BICC1: variants seen among roughly 807,000 people sequenced by gnomAD.
BICC1 encodes protein bicaudal C homolog 1.
BICC1 carries 43 observed loss-of-function variants against 111.0 expected under a neutral mutation model. That is an observed-to-expected ratio of 0.39 (90% CI 0.30 to 0.50). The LOEUF (loss-of-function observed/expected upper bound fraction) is 0.50. Among genes scored for constraint, BICC1 ranks in the 20% least tolerant of loss-of-function variants. The pLI is 0.88. For missense variants in BICC1, 1,091 were observed against 1,203.2 expected (o/e 0.91, Z 1.38); for synonymous variants, 467 against 434.4 (o/e 1.07, Z -0.93).
intron 2 of BICC1, among the ~76,000 whole-genome samples, chr10:58,645,406 CAAAAAAAAAAAAAAAA>C (rs57417702): frequency 6.8e-5 from 5 of 73,330 alleles, no homozygotes; most frequent in South Asian, 8.0e-4. Context: ...GACTCCATCT[CAAAAAAAAAAAAAAAA>C]AAAAAAAAAA....
chr10:58,673,712 C>G (rs1437646561), intron 2 of BICC1, among the ~76,000 whole-genome samples: 1 of 152,118 alleles, frequency 6.6e-6, no homozygotes. Context: ...ACCTCCACCC[C>G]CTGGGTTCAA....
At chr10:58,555,054 G>T (rs1032838425) in intron 1 of BICC1, among the ~76,000 whole-genome samples, 8 of 151,876 alleles carry the variant, frequency 5.3e-5, no homozygotes, top group Non-Finnish European at 1.0e-4. Flanking sequence ...TCTTTAAAAA[G>T]AAAAAGAACA....
chr10:58,600,621 G>A (rs1461541973), intron 1 of BICC1, among the ~76,000 whole-genome samples: 3 of 152,004 alleles, frequency 2.0e-5, no homozygotes, highest in Non-Finnish European at 4.4e-5. Context: ...AATACTATGA[G>A]TTTGAACTGT....
chr10:58,594,803 A>G lies in BICC1; in HGVS notation c.191-26052A>G, dbSNP rs192442461. Reference sequence around the variant, plus strand: ...ATTGTAAAGACCATCGACAACATAAAGAAACTGCATCAACTAATGAGCAAA... The same window carrying G: ...ATTGTAAAGACCATCGACAACATAAGGAAACTGCATCAACTAATGAGCAAA... On this transcript the variant is annotated intron_variant, in intron 1 of 20. Transcript: ENST00000373886. Among the ~76,000 whole-genome samples, 23 of 152,352 alleles carry G rather than the reference A, an allele frequency of 1.5e-4. No homozygotes were observed. In the East Asian group the frequency reaches 3.9e-3, roughly 26 times the overall value.
chr10:58,615,585 C>T (rs1283913654), intron 1 of BICC1, among the ~76,000 whole-genome samples: 3 of 152,150 alleles, frequency 2.0e-5, no homozygotes, highest in Admixed American at 6.5e-5. Flanking sequence ...AATAAAGCCA[C>T]GTTGAAACCC....
At chr10:58,679,902 A>G (rs564089943) in intron 2 of BICC1, among the ~76,000 whole-genome samples, 1 of 152,316 alleles carries the variant, frequency 6.6e-6, no homozygotes, top group African/African-American at 2.4e-5. Flanking sequence ...ATCAATAAAC[A>G]TAATTCATCA....
chr10:58,645,417 A>G, intron 2 of BICC1, among the ~76,000 whole-genome samples: 1 of 150,094 alleles, frequency 6.7e-6, no homozygotes. Context: ...AAAAAAAAAA[A>G]AAAAAAAAAA....
intron 19 of BICC1, 55 bp downstream of exon 19, chr10:58,817,777 C>A: frequency 6.6e-7 from 1 of 1,504,206 alleles, no homozygotes; most frequent in Non-Finnish European, 9.0e-7. Flanking sequence ...TGTATGATGA[C>A]TTCTAGAATG....
intron 3 of BICC1, among the ~76,000 whole-genome samples, chr10:58,725,380 A>G (rs1388962882): frequency 6.6e-6 from 1 of 152,144 alleles, no homozygotes; most frequent in Non-Finnish European, 1.5e-5. Context: ...TTCAGCAAAC[A>G]TTTTAAAATA....
At chr10:58,756,217 A>G (rs1208469137) in intron 3 of BICC1, among the ~76,000 whole-genome samples, 2 of 151,618 alleles carry the variant, frequency 1.3e-5, no homozygotes. Flanking sequence ...AAGGCAATAG[A>G]TCTTCTTTCC....
At chr10:58,690,701 T>G (rs1312877186) in intron 2 of BICC1, among the ~76,000 whole-genome samples, 3 of 152,280 alleles carry the variant, frequency 2.0e-5, no homozygotes, top group African/African-American at 7.2e-5. Flanking sequence ...GTGTTGCCAT[T>G]ATAGATCTCA....
At chr10:58,607,317 A>AAAAT (rs370698110) in intron 1 of BICC1, among the ~76,000 whole-genome samples, 1,568 of 134,696 alleles carry the variant, frequency 0.012, 31 homozygotes, top group African/African-American at 0.038. Flanking sequence ...ACTCTGTCTC[A>AAAAT]AAATAAATAA....
chr10:58,731,692 A>C (rs1841299711), intron 3 of BICC1, among the ~76,000 whole-genome samples: 1 of 145,950 alleles, frequency 6.9e-6, no homozygotes, highest in South Asian at 2.3e-4. Flanking sequence ...CTTACATGGG[A>C]GGAGCAGGAC....
chr10:58,747,351 A>T (rs1841863237), intron 3 of BICC1, among the ~76,000 whole-genome samples: 1 of 152,132 alleles, frequency 6.6e-6, no homozygotes. Flanking sequence ...CTTTGTATTT[A>T]AAAAAATACA....
At position 58,681,678 on chromosome 10, in the gene BICC1, C is replaced by T. The variant is rs368730477; in HGVS notation, c.238-20396C>T. Among the ~76,000 whole-genome samples the T allele has an allele frequency of 9.2e-5, 14 of 152,140 alleles. No individual in the cohort carries two copies. The East Asian group carries it at 9.7e-4, about 11-fold the overall frequency. On this transcript the variant is annotated intron_variant, in intron 2 of 20. Coordinates refer to ENST00000373886, the MANE Select transcript of BICC1 (RefSeq NM_001080512.3). ...TCCTTCCGGTGGGTTCTTGGTCTCA[C>T]TGACTTCAAGAACGAAGCCGTGGAC...
intron 3 of BICC1, among the ~76,000 whole-genome samples, chr10:58,769,767 T>A (rs1351106015): frequency 6.6e-6 from 1 of 152,042 alleles, no homozygotes; most frequent in Non-Finnish European, 1.5e-5. Context: ...ATTCATATAG[T>A]GTACTTTACT....
chr10:58,583,612 G>A (rs1040653658), intron 1 of BICC1, among the ~76,000 whole-genome samples: 38 of 151,648 alleles, frequency 2.5e-4, no homozygotes, highest in Non-Finnish European at 5.2e-4. Flanking sequence ...GTGTGTGTGT[G>A]TGTGTGTGTG....
intron 1 of BICC1, among the ~76,000 whole-genome samples, chr10:58,525,086 A>C (rs1447713282): frequency 7.0e-6 from 1 of 143,884 alleles, no homozygotes. Flanking sequence ...GGATGTGGAG[A>C]AATAGGAACA....
intron 2 of BICC1, among the ~76,000 whole-genome samples, chr10:58,659,131 A>G (rs1187282342): frequency 6.6e-6 from 1 of 152,228 alleles, no homozygotes. Context: ...GGGAACGCTT[A>G]TACACTGCTG....
Sources: gnomAD v4.1 joint callset for allele counts (sites outside exome capture counted in the v4.1 genomes callset) on GRCh38, gnomAD v4.1.1 for gene constraint, MANE v1.5 for transcripts, NCBI Gene and HGNC (gene_info 2026-07-23, HGNC 2026-07-21) for gene names.